STIMATE: variants seen among roughly 807,000 people sequenced by gnomAD.
The protein encoded by STIMATE is store-operated calcium entry regulator STIMATE.
Under a neutral mutation model 36.7 loss-of-function variants are expected in STIMATE, and 15 were observed. The ratio of observed to expected loss-of-function variants is 0.41; its 90% CI spans 0.27 to 0.63. STIMATE has a LOEUF of 0.63. Ranked by LOEUF, STIMATE falls within the 20% of genes least tolerant of loss-of-function variation. The pLI is 0.32. For missense variants in STIMATE, 305 were observed against 397.3 expected (o/e 0.77, Z 1.98); for synonymous variants, 163 against 162.3 (o/e 1.00, Z -0.03).
rs372786513 is a variant in STIMATE, at chr3:52,880,159, A to G, written c.160+17132T>C. Among the ~76,000 whole-genome samples the G allele has an allele frequency of 2.0e-4, 31 of 152,336 alleles. 1 individual carries two copies. In the South Asian group the frequency reaches 6.2e-3, roughly 31 times the overall value. On this transcript the variant is annotated intron_variant, in intron 1 of 7. Transcript: ENST00000355083. The stretch of plus-strand genomic sequence containing the variant: ...TGAGATCCTAGATAAAAGGAGGCTT[A>G]GGGCCCGGGTGGGGCCCTCCAACCT...
intron 5 of STIMATE, 88 bp from the exon 6 acceptor site, chr3:52,843,886 G>A (rs567900630): frequency 6.9e-5 from 109 of 1,571,982 alleles, no homozygotes; most frequent in Middle Eastern, 1.9e-4. Context: ...GGCCCTGAGG[G>A]AGCCTTAGCT....
chr3:52,871,772 T>C lies in STIMATE; in HGVS notation c.161-16328A>G, dbSNP rs2106703646. Among the ~76,000 whole-genome samples, 3 of 152,152 alleles carry C rather than the reference T, an allele frequency of 2.0e-5. 1 individual carries two copies. In the Middle Eastern group the frequency reaches 0.01, roughly 518 times the overall value. On this transcript the variant is annotated intron_variant, in intron 1 of 7. Coordinates refer to ENST00000355083, the MANE Select transcript of STIMATE (RefSeq NM_198563.5). The stretch of plus-strand genomic sequence containing the variant: ...ACACAAATCTGTCAAAAGTCCAACT[T>C]CACATTTAAGATCTGTGCAATTTAC...
At chr3:52,877,167 G>A (rs757917405) in intron 1 of STIMATE, among the ~76,000 whole-genome samples, 56 of 152,308 alleles carry the variant, frequency 3.7e-4, no homozygotes, top group Non-Finnish European at 6.3e-4. Context: ...CACAGCTCAC[G>A]CTTTTGGGCA....
chr3:52,877,371 G>A (rs1292756565), intron 1 of STIMATE, among the ~76,000 whole-genome samples: 1 of 152,232 alleles, frequency 6.6e-6, no homozygotes, highest in Non-Finnish European at 1.5e-5. Context: ...GTTCGTAGGT[G>A]GGAAGAGTTC....
chr3:52,889,747 A>G (rs1701751956), intron 1 of STIMATE, among the ~76,000 whole-genome samples: 1 of 152,192 alleles, frequency 6.6e-6, no homozygotes, highest in African/African-American at 2.4e-5. Context: ...TCCCAAAGAT[A>G]AACAGTGTAT....
At chr3:52,894,104 C>T (rs752760196) in intron 1 of STIMATE, among the ~76,000 whole-genome samples, 5 of 152,236 alleles carry the variant, frequency 3.3e-5, no homozygotes, top group Admixed American at 6.5e-5. Context: ...ACCACCAAAA[C>T]GAGGAATTGC....
intron 1 of STIMATE, among the ~76,000 whole-genome samples, chr3:52,895,120 T>C (rs919111370): frequency 1.5e-4 from 23 of 152,186 alleles, no homozygotes; most frequent in Non-Finnish European, 2.9e-5. Flanking sequence ...CAGATGTACT[T>C]CCTTAAGGCT....
intron 1 of STIMATE, among the ~76,000 whole-genome samples, chr3:52,893,185 G>T (rs1241398506): frequency 6.6e-6 from 1 of 152,196 alleles, no homozygotes; most frequent in African/African-American, 2.4e-5. Flanking sequence ...AAAGACTTGT[G>T]ACATTTGGGG....
At chr3:52,853,414 G>A (rs899190136) in intron 2 of STIMATE, among the ~76,000 whole-genome samples, 6 of 152,218 alleles carry the variant, frequency 3.9e-5, no homozygotes, top group Non-Finnish European at 7.3e-5. Flanking sequence ...TGGAGACAGC[G>A]TGTGCCTTCA....
rs914894558 is a variant in STIMATE, at chr3:52,838,048, A to C, written c.*2446T>G. 3 of 152,240 alleles carry C rather than the reference A, an allele frequency of 2.0e-5. No homozygotes were observed. Among genetic ancestry groups the C allele is most frequent in the Non-Finnish European group, 4.4e-5 (3 of 68,086 alleles). 9.4% of individuals were successfully genotyped at this position (152,240 alleles called of 1,614,324 possible). On this transcript the variant is annotated 3_prime_UTR_variant, in exon 8 of 8. Transcript: ENST00000355083. ...CACAAGAAAGGGAAGGCCAAACACG[A>C]GAGGTGTCCTATGGTCAGACACCCT...
At chr3:52,859,531 A>AAATATT (rs748928249) in intron 1 of STIMATE, among the ~76,000 whole-genome samples, 1 of 18,810 alleles carries the variant, frequency 5.3e-5, no homozygotes, top group African/African-American at 1.3e-4. Context: ...AAAAAAAAAA[A>AAATATT]TTTTTTTTTT....
intron 1 of STIMATE, among the ~76,000 whole-genome samples, chr3:52,883,790 T>C (rs1010478033): frequency 6.6e-6 from 1 of 152,236 alleles, no homozygotes; most frequent in South Asian, 2.1e-4. Context: ...TGCTTTTCTA[T>C]TTTCCATTGT....
intron 1 of STIMATE, among the ~76,000 whole-genome samples, chr3:52,894,668 G>T (rs1701834469): frequency 6.6e-6 from 1 of 152,010 alleles, no homozygotes; most frequent in Non-Finnish European, 1.5e-5. Context: ...AATCAGGGAG[G>T]TGAAGTAAGG....
chr3:52,842,343 G>C (rs545185817), intron 7 of STIMATE, among the ~76,000 whole-genome samples: 219 of 152,322 alleles, frequency 1.4e-3, no homozygotes, highest in African/African-American at 5.1e-3. Context: ...AGAAAATAAG[G>C]GGGGGATGAG....
At chr3:52,873,075 A>C (rs757348054) in intron 1 of STIMATE, among the ~76,000 whole-genome samples, 2 of 152,226 alleles carry the variant, frequency 1.3e-5, no homozygotes, top group African/African-American at 2.4e-5. Context: ...GGTTTGGCCG[A>C]AGGCTGAGAA....
intron 1 of STIMATE, among the ~76,000 whole-genome samples, chr3:52,864,244 C>T (rs977589381): frequency 3.9e-5 from 6 of 152,312 alleles, no homozygotes; most frequent in East Asian, 1.9e-4. Flanking sequence ...GAAATCTAGG[C>T]GGAGGTTCCC....
chr3:52,840,277 G>T lies in STIMATE; in HGVS notation c.*217C>A. ...GTCAGTGTTTGTAGTGCAACTGAAT[G>T]GGGACCTCCAGCCGCCAGTGGCCCC... On this transcript the variant is annotated 3_prime_UTR_variant, in exon 8 of 8. Transcript: ENST00000355083. The T allele has an allele frequency of 2.0e-6, 1 of 507,408 alleles. No homozygotes were observed. The highest frequency in any genetic ancestry group is 3.5e-6 in the Non-Finnish European group (1 of 284,166). 31.4% of individuals were successfully genotyped at this position (507,408 alleles called of 1,614,324 possible).
At chr3:52,842,722 G>A in intron 7 of STIMATE, 89 bp downstream of exon 7, 3 of 1,582,844 alleles carry the variant, frequency 1.9e-6, no homozygotes, top group Non-Finnish European at 2.6e-6. Context: ...CTGCACTCAA[G>A]GGAAGAACAT....
intron 6 of STIMATE, 127 bp from the exon 7 acceptor site, chr3:52,843,087 C>G: frequency 6.9e-7 from 1 of 1,457,448 alleles, no homozygotes; most frequent in Non-Finnish European, 9.2e-7. Context: ...AAAACCCAAT[C>G]CAATCACCCT....
Sources: allele counts gnomAD v4.1 joint callset (sites outside exome capture counted in the v4.1 genomes callset), GRCh38; gene constraint gnomAD v4.1.1; transcripts MANE v1.5; gene names NCBI Gene and HGNC (gene_info 2026-07-23, HGNC 2026-07-21).